Variants in RBFOX3 observed in about 807,000 individuals in gnomAD.
RBFOX3 encodes RNA binding fox-1 homolog 3.
Under a neutral mutation model 48.7 loss-of-function variants are expected in RBFOX3, and 17 were observed. That is an observed-to-expected ratio of 0.35 (90% CI 0.24 to 0.52). The LOEUF (loss-of-function observed/expected upper bound fraction) is 0.52. Among genes scored for constraint, RBFOX3 ranks in the 20% least tolerant of loss-of-function variants. The pLI is 0.94. For missense variants in RBFOX3, 382 were observed against 497.5 expected (o/e 0.77, Z 2.21); for synonymous variants, 212 against 209.5 (o/e 1.01, Z -0.10).
At chr17:79,546,164 C>A (rs1428526583) in intron 1 of RBFOX3, among the ~76,000 whole-genome samples, 1 of 152,218 alleles carries the variant, frequency 6.6e-6, no homozygotes, top group Non-Finnish European at 1.5e-5. Context: ...TCTCCCTGAT[C>A]TATATTCCAC....
At chr17:79,620,451 A>G in the RBFOX3 span, among the ~76,000 whole-genome samples, 7 of 143,848 alleles carry the variant, frequency 4.9e-5, no homozygotes, top group East Asian at 4.3e-4. Context: ...ACATGCACAC[A>G]TGCGCACACA....
At chr17:79,484,700 G>A (rs1393906136) in intron 1 of RBFOX3, among the ~76,000 whole-genome samples, 4 of 152,124 alleles carry the variant, frequency 2.6e-5, no homozygotes, top group South Asian at 2.1e-4. Flanking sequence ...GAAAGCAGGC[G>A]GCAGGCTTCT....
intron 2 of RBFOX3, among the ~76,000 whole-genome samples, chr17:79,461,494 C>T (rs1425468126): frequency 6.6e-6 from 1 of 152,180 alleles, no homozygotes; most frequent in African/African-American, 2.4e-5. Context: ...TGGAACTATA[C>T]CATTTTAACA....
chr17:79,244,475 T>C (rs2062840679), intron 3 of RBFOX3, among the ~76,000 whole-genome samples: 1 of 148,722 alleles, frequency 6.7e-6, no homozygotes, highest in African/African-American at 2.5e-5. Context: ...CACAGGAGAG[T>C]AACCCACCCA....
intron 2 of RBFOX3, among the ~76,000 whole-genome samples, chr17:79,403,704 G>C (rs1202984797): frequency 6.6e-6 from 1 of 152,124 alleles, no homozygotes; most frequent in Admixed American, 6.5e-5. Flanking sequence ...CCGCCCTCCA[G>C]GCATCTGTGT....
intron 3 of RBFOX3, among the ~76,000 whole-genome samples, chr17:79,294,366 A>G (rs1260961503): frequency 6.6e-6 from 1 of 152,090 alleles, no homozygotes; most frequent in Non-Finnish European, 1.5e-5. Context: ...GATGGAGTAC[A>G]GTGGTGTGAT....
At chr17:79,637,316 A>G in the RBFOX3 span, among the ~76,000 whole-genome samples, 1 of 152,196 alleles carries the variant, frequency 6.6e-6, no homozygotes, top group Non-Finnish European at 1.5e-5. Flanking sequence ...TAACACATAT[A>G]CAGAACTTTC....
At chr17:79,224,793 T>G (rs2060125505) in intron 4 of RBFOX3, among the ~76,000 whole-genome samples, 1 of 152,252 alleles carries the variant, frequency 6.6e-6, no homozygotes, top group Admixed American at 6.5e-5. Context: ...TGACAGCCCC[T>G]GAGTCTTCTT....
At chr17:79,133,753 T>C (rs1294327713) in intron 4 of RBFOX3, among the ~76,000 whole-genome samples, 1 of 152,194 alleles carries the variant, frequency 6.6e-6, no homozygotes, top group African/African-American at 2.4e-5. Context: ...ACCAGGTTCC[T>C]ACTCAGTGGG....
At chr17:79,645,296 G>T in the RBFOX3 span, among the ~76,000 whole-genome samples, 1 of 151,980 alleles carries the variant, frequency 6.6e-6, no homozygotes, top group Non-Finnish European at 1.5e-5. Context: ...TGTGTGGTGT[G>T]CCCCACCCCT....
the RBFOX3 span, among the ~76,000 whole-genome samples, chr17:79,655,437 C>T: frequency 6.6e-6 from 1 of 152,156 alleles, no homozygotes; most frequent in Non-Finnish European, 1.5e-5. Context: ...AGAAAGTCCT[C>T]AACCAATGTA....
At chr17:79,514,589 G>A (rs1242575029) in intron 1 of RBFOX3, among the ~76,000 whole-genome samples, 10 of 152,170 alleles carry the variant, frequency 6.6e-5, no homozygotes, top group African/African-American at 1.4e-4. Flanking sequence ...GCCACTGCCC[G>A]ACAGGCTCTG....
chr17:79,332,512 G>C (rs1011862395), intron 2 of RBFOX3, among the ~76,000 whole-genome samples: 1 of 140,528 alleles, frequency 7.1e-6, no homozygotes, highest in Admixed American at 7.4e-5. Context: ...GAGGGGAGGG[G>C]AGCACATGAG....
intron 2 of RBFOX3, among the ~76,000 whole-genome samples, chr17:79,432,116 C>G (rs1171659861): frequency 1.3e-5 from 2 of 152,242 alleles, no homozygotes; most frequent in Non-Finnish European, 2.9e-5. Context: ...ACTGTGTATT[C>G]TGTGTCAGGA....
intron 4 of RBFOX3, among the ~76,000 whole-genome samples, chr17:79,187,449 G>T (rs957043915): frequency 6.6e-6 from 1 of 152,210 alleles, no homozygotes; most frequent in Non-Finnish European, 1.5e-5. Context: ...GCCAAGCCGA[G>T]CCTTCATCGA....
Position 79,195,089 on chromosome 17 carries a change from G to A in RBFOX3, c.-34+40677C>T, listed in dbSNP as rs1422840794. On this transcript the variant is annotated intron_variant, in intron 4 of 14. Transcript: ENST00000693108. The surrounding 1 kb of genome is among the most constrained non-coding windows in gnomAD (Gnocchi z 5.3). ...CATTGCCTGCGCGGTGCCTGGCCAC[G>A]GGTAGCCTCTCAAGAAGAAGTGCAG... Among the ~76,000 whole-genome samples, 4 of 152,032 alleles carry A rather than the reference G, an allele frequency of 2.6e-5. No individual in the cohort carries two copies. Among genetic ancestry groups the A allele is most frequent in the Non-Finnish European group, 1.5e-5 (1 of 68,028 alleles).
At chr17:79,446,615 G>A (rs1034429559) in intron 2 of RBFOX3, among the ~76,000 whole-genome samples, 2 of 152,186 alleles carry the variant, frequency 1.3e-5, no homozygotes, top group African/African-American at 2.4e-5. Flanking sequence ...CCATTTCCAC[G>A]GCAATGACCC....
chr17:79,466,683 C>T (rs1043060821), intron 2 of RBFOX3, among the ~76,000 whole-genome samples: 2 of 152,204 alleles, frequency 1.3e-5, no homozygotes, highest in Admixed American at 6.5e-5. Flanking sequence ...ACACCCTCCC[C>T]AAGAGAAAGC....
chr17:79,127,428 G>C (rs762565649), intron 4 of RBFOX3, among the ~76,000 whole-genome samples: 42 of 152,334 alleles, frequency 2.8e-4, no homozygotes, highest in Admixed American at 7.8e-4. Context: ...GAAGAACGGA[G>C]GAACAGAAGA....
Sources: allele counts gnomAD v4.1 joint callset (sites outside exome capture counted in the v4.1 genomes callset), GRCh38; gene constraint gnomAD v4.1.1; non-coding constraint Gnocchi (gnomAD v3.1); transcripts MANE v1.5; gene names NCBI Gene and HGNC (gene_info 2026-07-23, HGNC 2026-07-21).